PDCD11: variants seen among roughly 807,000 people sequenced by gnomAD.
The protein encoded by PDCD11 is programmed cell death 11, also known as protein RRP5 homolog.
A neutral mutation model predicts 198.9 loss-of-function variants in PDCD11; 97 were observed. The ratio of observed to expected loss-of-function variants is 0.49; its 90% CI spans 0.41 to 0.58. The LOEUF (loss-of-function observed/expected upper bound fraction) is 0.58. Ranked by LOEUF, PDCD11 falls within the 20% of genes least tolerant of loss-of-function variation. The probability of loss-of-function intolerance (pLI) is 0.00; values close to 1 mark genes in which losing one functional copy is unlikely to be tolerated. For synonymous variants in PDCD11, 893 were observed against 918.0 expected, an observed-to-expected ratio of 0.97 and a Z score of 0.49; for missense variants, 2,102 against 2,312.7, an observed-to-expected ratio of 0.91 and a Z score of 1.87.
At chr10:103,429,634 A>G (rs1564772234) in intron 21 of PDCD11, among the ~76,000 whole-genome samples, 1 of 152,024 alleles carries the variant, frequency 6.6e-6, no homozygotes, top group Non-Finnish European at 1.5e-5. Context: ...AATTACTGTA[A>G]TTTTTAAAAT....
intron 13 of PDCD11, among the ~76,000 whole-genome samples, chr10:103,417,429 T>A (rs2031171536): frequency 6.6e-6 from 1 of 152,218 alleles, no homozygotes; most frequent in South Asian, 2.1e-4. Flanking sequence ...TGCCTTGGCC[T>A]TTCAAAGTGC....
At position 103,444,635 on chromosome 10, in the gene PDCD11, G is replaced by C; in HGVS notation, c.5397G>C (p.Ser1799=). 6.2e-7 allele frequency: 1 copy of C among 1,614,122 alleles called. No homozygotes were observed. The highest frequency in any genetic ancestry group is 1.7e-4 in the Middle Eastern group (1 of 6,002). The part of the protein sequence containing the change: ...STYPKRTDVW[S]VYIDMTIKHG... ...ACCCAAAGCGCACAGATGTCTGGTC[G>C]GTCTATATCGACATGACCATCAAGC... The change falls in exon 35 of 36, where the codon TCG becomes TCC. Residue 1799 remains serine, a synonymous_variant. Transcript: ENST00000369797.
rs11191677 is a variant in PDCD11, at chr10:103,397,324, C to T, written c.-12+594C>T. On this transcript the variant is annotated intron_variant, in intron 1 of 35. Transcript: ENST00000369797. ...TCTCTCTTCATGTCCAATCTATAGC[C>T]TGCAGTATATTTTTCTTGCTTACTG... Among the ~76,000 whole-genome samples, 662 of 151,758 alleles carry T rather than the reference C, an allele frequency of 4.4e-3. 27 individuals are homozygous for T. In the East Asian group the frequency reaches 0.095, roughly 22 times the overall value.
intron 12 of PDCD11, 131 bp from the exon 13 acceptor site, chr10:103,416,360 A>G: frequency 1.2e-6 from 1 of 816,586 alleles, no homozygotes; most frequent in Non-Finnish European, 2.0e-6. Context: ...CACTGAGATG[A>G]TTAGAGGAAA....
chr10:103,442,793 A>G (rs1420645641), intron 32 of PDCD11, among the ~76,000 whole-genome samples: 1 of 152,144 alleles, frequency 6.6e-6, no homozygotes, highest in Non-Finnish European at 1.5e-5. Context: ...TTTTCCAAAC[A>G]GAGGGAGTTT....
rs770106269 is a variant in PDCD11 at position 103,441,938 on chromosome 10, C to CAA, written c.4671_4672insAA (p.Asp1558LysfsTer14). 6.2e-7 allele frequency: 1 copy of CAA among 1,614,220 alleles called. No homozygotes were observed. Among genetic ancestry groups the CAA allele is most frequent in the African/African-American group, 1.3e-5 (1 of 75,058 alleles). On this transcript the variant is annotated frameshift_variant, in exon 31 of 36. Transcript: ENST00000369797. LOFTEE classifies it high-confidence loss of function. ...GCCTTGCCACCTCTAGCAGAGAGCT[C>CAA]AGACAGCGAGGAGGATGAGAAGCCA... is the stretch of plus-strand genomic sequence containing the variant.
intron 21 of PDCD11, among the ~76,000 whole-genome samples, chr10:103,429,131 T>C (rs2031820036): frequency 6.6e-6 from 1 of 152,204 alleles, no homozygotes; most frequent in Admixed American, 6.5e-5. Flanking sequence ...GAGAATGCTG[T>C]CTGTTCTAGA....
In PDCD11 at chr10:103,440,442, A is replaced by G; in HGVS notation, c.4301A>G (p.Lys1434Arg). Residue 1434 changes from lysine (K) to arginine (R), a missense_variant, in exon 29 of 36, where the codon AAA becomes AGA. Physicochemically the swap from Lys to Arg is conservative, Grantham distance 26 (BLOSUM62 2). Coordinates refer to ENST00000369797, the MANE Select transcript of PDCD11 (RefSeq NM_014976.2). ...AEERDQKGEK[K>R]NQKRNEKKNQ... ...GAGAGAGACCAAAAAGGGGAAAAGA[A>G]AAATCAGAAAAGGAACGAGAAGAAG... is the stretch of plus-strand genomic sequence containing the variant. The G allele has an allele frequency of 6.2e-7, 1 of 1,614,206 alleles. No individual in the cohort carries two copies. The highest frequency in any genetic ancestry group is 1.3e-5 in the African/African-American group (1 of 75,074).
intron 12 of PDCD11, among the ~76,000 whole-genome samples, chr10:103,416,270 T>G (rs2031102676): frequency 6.6e-6 from 1 of 152,188 alleles, no homozygotes; most frequent in African/African-American, 2.4e-5. Context: ...AGAGGGTAGT[T>G]TGCAGCAATT....
At chr10:103,414,194 C>A in intron 10 of PDCD11, 76 bp from the exon 11 acceptor site, 2 of 1,574,862 alleles carry the variant, frequency 1.3e-6, no homozygotes, top group Non-Finnish European at 1.7e-6. Context: ...TTCTTGCCAG[C>A]ATGCCTGTGG....
chr10:103,437,516 C>G (rs2032200390), intron 25 of PDCD11, among the ~76,000 whole-genome samples: 1 of 152,052 alleles, frequency 6.6e-6, no homozygotes, highest in Admixed American at 6.6e-5. Flanking sequence ...GAGATGGAGT[C>G]TTGCTCTGTC....
chr10:103,408,950 A>G (rs2030628744), intron 7 of PDCD11, among the ~76,000 whole-genome samples: 1 of 152,218 alleles, frequency 6.6e-6, no homozygotes, highest in African/African-American at 2.4e-5. Flanking sequence ...ATTTCTCTAG[A>G]AAGGATCTGG....
intron 16 of PDCD11, among the ~76,000 whole-genome samples, chr10:103,420,806 G>C (rs774119556): frequency 9.2e-5 from 14 of 152,130 alleles, no homozygotes; most frequent in Non-Finnish European, 1.9e-4. Context: ...GGCTTGCTGT[G>C]AATGTGCCTT....
In PDCD11 at chr10:103,433,988, C is replaced by G. The variant is rs929883281; in HGVS notation, c.3515C>G (p.Pro1172Arg). ...VKKWLEVEIA[P>R]DIRGRIPLLL... Reference sequence around the variant, plus strand: ...AAATGGCTTGAGGTGGAGATTGCCCCAGACATCCGGGGGAGAATTCCCTTA... The same window carrying G: ...AAATGGCTTGAGGTGGAGATTGCCCGAGACATCCGGGGGAGAATTCCCTTA... Residue 1172 changes from proline to arginine, a missense_variant, in exon 23 of 36, where the codon CCA (proline) becomes CGA (arginine). Physicochemically the swap from Pro to Arg is moderately radical, Grantham distance 103 (BLOSUM62 -2). Transcript: ENST00000369797. 1.1e-5 allele frequency: 17 copies of G among 1,614,100 alleles called. No individual in the cohort carries two copies. The highest frequency in any genetic ancestry group is 1.4e-5 in the Non-Finnish European group (17 of 1,179,956).
intron 15 of PDCD11, among the ~76,000 whole-genome samples, 200 bp downstream of exon 15, chr10:103,418,834 T>C (rs2031263357): frequency 1.3e-5 from 2 of 151,704 alleles, no homozygotes; most frequent in Admixed American, 1.3e-4. Context: ...CAGGGCGGAG[T>C]AGCCTGAAAG....
chr10:103,443,417 C>A, intron 33 of PDCD11, 84 bp downstream of exon 33: 1 of 1,272,212 alleles, frequency 7.9e-7, no homozygotes, highest in Non-Finnish European at 1.1e-6. Flanking sequence ...TGGGTCCAGT[C>A]CTGCTGTGAG....
In PDCD11 at chr10:103,419,416, G is replaced by C. The variant is rs1411170527; in HGVS notation, c.2107-122G>C. 3.7e-6 allele frequency: 4 copies of C among 1,093,550 alleles called. 2 individuals carry two copies. The African/African-American group carries it at 6.3e-5, about 17-fold the overall frequency. 67.7% of individuals were successfully genotyped at this position (1,093,550 alleles called of 1,614,324 possible). A position where few individuals can be genotyped will look rare whatever the true frequency, so the allele number is the denominator to read the frequency against. On this transcript the variant is annotated intron_variant, in intron 15 of 35. Coordinates refer to ENST00000369797, the MANE Select transcript of PDCD11 (RefSeq NM_014976.2). ...TTGATGCTGCTGGTCTGCACACTTAGAGAATCGCTGTAGCAGCAGAGATCA... is the reference window on the plus strand; with the variant it reads ...TTGATGCTGCTGGTCTGCACACTTACAGAATCGCTGTAGCAGCAGAGATCA...
At position 103,425,316 on chromosome 10, in the gene PDCD11, C is replaced by T. The variant is rs1409423906; in HGVS notation, c.3096C>T (p.Thr1032=). The change falls in exon 20 of 36, where the codon ACC becomes ACT. Residue 1032 remains threonine, a synonymous_variant. Coordinates refer to ENST00000369797, the MANE Select transcript of PDCD11 (RefSeq NM_014976.2). ...ALTVGTIKKH[T]LSIGDMVTGT... ...CTGTAGGGACCATAAAGAAGCACAC[C>T]CTCTCCATCGGGGACATGGTCACAG... 1.2e-6 allele frequency: 2 copies of T among 1,614,098 alleles called. No homozygotes were observed. Among genetic ancestry groups the T allele is most frequent in the Non-Finnish European group, 8.5e-7 (1 of 1,180,004 alleles).
At chr10:103,437,885 G>A in intron 25 of PDCD11, 130 bp from the exon 26 acceptor site, 1 of 711,430 alleles carries the variant, frequency 1.4e-6, no homozygotes, top group Non-Finnish European at 2.5e-6. Flanking sequence ...ACAGAATGAA[G>A]AAACATGACC....
Sources: allele counts gnomAD v4.1 joint callset (sites outside exome capture counted in the v4.1 genomes callset), GRCh38; gene constraint gnomAD v4.1.1; transcripts MANE v1.5; gene names NCBI Gene and HGNC (gene_info 2026-07-23, HGNC 2026-07-21).